LINGO2: variants seen among roughly 807,000 people sequenced by gnomAD.
LINGO2 encodes the protein leucine rich repeat and Ig domain containing 2.
LINGO2 carries 14 observed loss-of-function variants against 30.6 expected under a neutral mutation model. The observed-to-expected ratio is 0.46, with a 90% CI of 0.30 to 0.72. LINGO2 has a LOEUF of 0.72. Among genes scored for constraint, LINGO2 ranks in the 30% least tolerant of loss-of-function variants. The pLI is 0.07. For synonymous variants in LINGO2, 317 were observed against 288.5 expected (o/e 1.10, Z -1.00); for missense variants, 729 against 751.7 (o/e 0.97, Z 0.35).
chr9:28,357,327 C>T (rs200947412), intron 3 of LINGO2, among the ~76,000 whole-genome samples: 4 of 139,730 alleles, frequency 2.9e-5, no homozygotes, highest in African/African-American at 1.0e-4. Flanking sequence ...CCACCCCCCC[C>T]AAAAAAGAAA....
chr9:28,964,155 C>T, the LINGO2 span, among the ~76,000 whole-genome samples: 2 of 151,640 alleles, frequency 1.3e-5, no homozygotes, highest in African/African-American at 4.8e-5. Flanking sequence ...GTATAAGGAG[C>T]TTATATTTAT....
chr9:28,699,417 A>G, the LINGO2 span, among the ~76,000 whole-genome samples: 1 of 152,000 alleles, frequency 6.6e-6, no homozygotes, highest in African/African-American at 2.4e-5. Flanking sequence ...TCTTACTTTA[A>G]TCTCTTAATC....
the LINGO2 span, among the ~76,000 whole-genome samples, chr9:28,891,131 A>C: frequency 1.1e-3 from 161 of 152,172 alleles, 1 homozygote; most frequent in Non-Finnish European, 1.8e-3. Context: ...ATAGCAATAA[A>C]TGGTGCAAAC....
chr9:28,264,664 G>C (rs1822683297), intron 4 of LINGO2, among the ~76,000 whole-genome samples: 1 of 151,892 alleles, frequency 6.6e-6, no homozygotes, highest in Non-Finnish European at 1.5e-5. Flanking sequence ...CACTGGATTT[G>C]TATTCTAGCT....
chr9:28,094,551 A>G (rs1327905295), intron 4 of LINGO2, among the ~76,000 whole-genome samples: 1 of 151,480 alleles, frequency 6.6e-6, no homozygotes, highest in Non-Finnish European at 1.5e-5. Flanking sequence ...GAGAGAGAGT[A>G]AATATTTCAT....
chr9:28,368,581 CTTCTT>C (rs923741388), intron 3 of LINGO2, among the ~76,000 whole-genome samples: 7 of 128,084 alleles, frequency 5.5e-5, no homozygotes, highest in South Asian at 5.7e-4. Context: ...CTTTCTTTCT[CTTCTT>C]TTCTTTTCTT....
chr9:28,416,327 C>G (rs1309640707), intron 2 of LINGO2, among the ~76,000 whole-genome samples: 1 of 152,066 alleles, frequency 6.6e-6, no homozygotes, highest in Non-Finnish European at 1.5e-5. Context: ...CAACAGCATT[C>G]CTTAAAAAGA....
At chr9:28,418,766 T>G (rs2134864819) in intron 2 of LINGO2, among the ~76,000 whole-genome samples, 1 of 152,202 alleles carries the variant, frequency 6.6e-6, no homozygotes, top group East Asian at 1.9e-4. Context: ...GGAACTTTCT[T>G]GATTACAAGG....
chr9:28,236,411 A>G (rs1821566619), intron 4 of LINGO2, among the ~76,000 whole-genome samples: 1 of 152,208 alleles, frequency 6.6e-6, no homozygotes, highest in African/African-American at 2.4e-5. Context: ...AATAGTAAGC[A>G]CAAAGAAAAA....
chr9:28,056,984 C>G (rs939852446), intron 4 of LINGO2, among the ~76,000 whole-genome samples: 3 of 152,060 alleles, frequency 2.0e-5, no homozygotes, highest in African/African-American at 7.2e-5. Flanking sequence ...ATCACAGAAA[C>G]ACTTTCCATA....
At chr9:28,490,047 A>C (rs1183045699) in intron 1 of LINGO2, among the ~76,000 whole-genome samples, 1 of 152,142 alleles carries the variant, frequency 6.6e-6, no homozygotes. Context: ...AAGAGCAAGA[A>C]AGTGCTAGAC....
intron 4 of LINGO2, among the ~76,000 whole-genome samples, chr9:28,176,637 C>T (rs554835947): frequency 2.7e-4 from 41 of 152,228 alleles, no homozygotes; most frequent in Non-Finnish European, 2.9e-5. Flanking sequence ...CTAATCTTTA[C>T]AACAAGCCAA....
intron 4 of LINGO2, among the ~76,000 whole-genome samples, chr9:28,034,205 C>G (rs937291955): frequency 1.3e-5 from 2 of 152,194 alleles, no homozygotes; most frequent in Non-Finnish European, 2.9e-5. Flanking sequence ...CTGCTCTGCT[C>G]CCCAGTGTAC....
At chr9:27,984,920 G>T (rs1821051735) in intron 5 of LINGO2, among the ~76,000 whole-genome samples, 1 of 151,822 alleles carries the variant, frequency 6.6e-6, no homozygotes, top group Non-Finnish European at 1.5e-5. Flanking sequence ...ATTTTAGGCA[G>T]GAAAAGGAAA....
chr9:28,315,780 C>A (rs889426331), intron 3 of LINGO2, among the ~76,000 whole-genome samples: 5 of 152,026 alleles, frequency 3.3e-5, no homozygotes, highest in African/African-American at 4.8e-5. Context: ...CAAATTTTAT[C>A]GTTTTCTAAT....
At position 28,663,254 on chromosome 9, in the gene LINGO2, T is replaced by A. The variant is rs190179669; in HGVS notation, c.-365+6946A>T. ...GGTGCCATCTCGGCTCGCTGCAACC[T>A]CTGCTGCCTGGGTTCAAGCAATTCT... On this transcript the variant is annotated intron_variant, in intron 1 of 5. Transcript: ENST00000379992. 8.4e-3 allele frequency among the ~76,000 whole-genome samples: 1,285 copies of A among 152,168 alleles called. 30 individuals carry two copies. Among genetic ancestry groups the A allele is most frequent in the East Asian group, 0.036 (187 of 5,166 alleles).
At chr9:28,328,475 T>C (rs1825307336) in intron 3 of LINGO2, among the ~76,000 whole-genome samples, 1 of 152,010 alleles carries the variant, frequency 6.6e-6, no homozygotes, top group East Asian at 1.9e-4. Flanking sequence ...GTTGTTCTTA[T>C]CTCTAAGGGG....
intron 3 of LINGO2, among the ~76,000 whole-genome samples, chr9:28,318,341 T>G (rs933667486): frequency 6.6e-6 from 1 of 152,222 alleles, no homozygotes; most frequent in Non-Finnish European, 1.5e-5. Flanking sequence ...TCTATTTATA[T>G]CATTGATTTA....
intron 1 of LINGO2, among the ~76,000 whole-genome samples, chr9:28,553,291 A>G (rs1195885557): frequency 1.3e-5 from 2 of 152,138 alleles, no homozygotes; most frequent in Admixed American, 6.6e-5. Flanking sequence ...ACCAATACAG[A>G]GAAGTGCTTA....
Sources: gnomAD v4.1 joint callset for allele counts (sites outside exome capture counted in the v4.1 genomes callset) on GRCh38, gnomAD v4.1.1 for gene constraint, MANE v1.5 for transcripts, NCBI Gene and HGNC (gene_info 2026-07-23, HGNC 2026-07-21) for gene names.